The following NTRK2 variants were observed in gnomAD, a reference collection of about 807,000 sequenced individuals.
NTRK2 encodes neurotrophic receptor tyrosine kinase 2.
A neutral mutation model predicts 94.5 loss-of-function variants in NTRK2; 13 were observed. The observed-to-expected ratio is 0.14, with a 90% CI of 0.09 to 0.22. The LOEUF (loss-of-function observed/expected upper bound fraction) is 0.22, where lower values mean the gene tolerates loss of function less well. Among genes scored for constraint, NTRK2 ranks in the 10% least tolerant of loss-of-function variants. The pLI is 1.00. For synonymous variants in NTRK2, 372 were observed against 407.4 expected, an observed-to-expected ratio of 0.91 and a Z score of 1.05; for missense variants, 639 against 1,071.2, an observed-to-expected ratio of 0.60 and a Z score of 5.63.
Position 84,855,697 on chromosome 9 carries a change from G to A in NTRK2, c.1397-5343G>A, listed in dbSNP as rs143846104. The stretch of plus-strand genomic sequence containing the variant: ...ATATTTTTGTTTATGGATAAGAATT[G>A]AAGGAAAGATAGCTCAGCATCATTG... On this transcript the variant is annotated intron_variant, in intron 12 of 18. Transcript: ENST00000277120. Among the ~76,000 whole-genome samples the A allele has an allele frequency of 2.6e-3, 397 of 151,738 alleles. 3 individuals carry two copies. Among genetic ancestry groups the A allele is most frequent in the Admixed American group, 4.3e-3 (65 of 15,234 alleles).
At chr9:84,739,105 C>T (rs987271695) in intron 9 of NTRK2, among the ~76,000 whole-genome samples, 1 of 151,964 alleles carries the variant, frequency 6.6e-6, no homozygotes, top group Non-Finnish European at 1.5e-5. Context: ...GGCTGGAGTG[C>T]AGTGGTGTGA....
chr9:84,851,267 A>C (rs1013961045), intron 12 of NTRK2, among the ~76,000 whole-genome samples: 10 of 152,302 alleles, frequency 6.6e-5, no homozygotes, highest in African/African-American at 2.4e-4. Context: ...GACCCTAAAG[A>C]GCACATTGGG....
intron 14 of NTRK2, among the ~76,000 whole-genome samples, chr9:84,912,763 G>A (rs568881989): frequency 5.3e-5 from 8 of 151,564 alleles, no homozygotes; most frequent in South Asian, 2.1e-4. Flanking sequence ...GACTACAGGC[G>A]CCCACCACCA....
At chr9:84,676,732 C>G (rs2059081533) in intron 2 of NTRK2, among the ~76,000 whole-genome samples, 1 of 152,126 alleles carries the variant, frequency 6.6e-6, no homozygotes, top group South Asian at 2.1e-4. Context: ...TCTGGCTCAT[C>G]ATTTTATTAG....
rs1443694362 is a variant in NTRK2, at chr9:84,856,520, T to A, written c.1397-4520T>A. ...CACTCCAATGAGCAGTCATTCTAGA[T>A]CTCAGATGTGACAGTTCATTGGCTA... On this transcript the variant is annotated intron_variant, in intron 12 of 18. Transcript: ENST00000277120. Among the ~76,000 whole-genome samples, 3 of 152,164 alleles carry A rather than the reference T, an allele frequency of 2.0e-5. 1 individual carries two copies. Among genetic ancestry groups the A allele is most frequent in the Non-Finnish European group, 4.4e-5 (3 of 68,038 alleles).
At chr9:84,840,164 C>T (rs556398283) in intron 12 of NTRK2, among the ~76,000 whole-genome samples, 3 of 152,006 alleles carry the variant, frequency 2.0e-5, no homozygotes, top group Admixed American at 1.3e-4. Flanking sequence ...CTCTGCCTGG[C>T]GTCAGTCATG....
chr9:84,954,550 G>C (rs1823867593), intron 16 of NTRK2, among the ~76,000 whole-genome samples: 1 of 152,230 alleles, frequency 6.6e-6, no homozygotes, highest in Non-Finnish European at 1.5e-5. Flanking sequence ...TCTCCTATGT[G>C]TTGGCCATAG....
rs1832777116 is a variant in NTRK2, at chr9:85,021,495, G to A, written c.*58G>A. On this transcript the variant is annotated 3_prime_UTR_variant, in exon 19 of 19. Transcript: ENST00000277120. ...TACTCCTCAGACGGGCTGAGAGGAT[G>A]AACATCTTTTAACTGCCGCTGGAGG... 1 of 1,574,042 alleles carries A rather than the reference G, an allele frequency of 6.4e-7. No homozygotes were observed. The highest frequency in any genetic ancestry group is 1.1e-5 in the South Asian group (1 of 89,984).
chr9:84,793,773 T>C (rs2068975244), intron 12 of NTRK2, among the ~76,000 whole-genome samples: 2 of 152,176 alleles, frequency 1.3e-5, no homozygotes, highest in South Asian at 2.1e-4. Context: ...GAAATGACTA[T>C]AAGACAGGGG....
intron 17 of NTRK2, among the ~76,000 whole-genome samples, chr9:85,007,467 A>G (rs1831097840): frequency 6.6e-6 from 1 of 152,198 alleles, no homozygotes; most frequent in East Asian, 1.9e-4. Context: ...GTCACTGAAG[A>G]GTTTGCTATT....
At chr9:84,818,769 C>A (rs909653191) in intron 12 of NTRK2, among the ~76,000 whole-genome samples, 1 of 152,132 alleles carries the variant, frequency 6.6e-6, no homozygotes, top group African/African-American at 2.4e-5. Flanking sequence ...TTGAGGGAAA[C>A]CTTGCGAGTG....
chr9:84,843,386 C>G (rs2074292588), intron 12 of NTRK2, among the ~76,000 whole-genome samples: 1 of 152,166 alleles, frequency 6.6e-6, no homozygotes, highest in Non-Finnish European at 1.5e-5. Context: ...AGCTGCAGGC[C>G]TTTCTCACCT....
chr9:84,883,788 G>T (rs1303933576), intron 14 of NTRK2, among the ~76,000 whole-genome samples: 1 of 152,166 alleles, frequency 6.6e-6, no homozygotes, highest in African/African-American at 2.4e-5. Context: ...CCCAAAGTGG[G>T]TGAGATTAGG....
In NTRK2 at chr9:84,805,152, A is replaced by G. The variant is rs1041645227; in HGVS notation, c.1396+53067A>G. Among the ~76,000 whole-genome samples the G allele has an allele frequency of 8.5e-5, 13 of 152,298 alleles. No individual in the cohort carries two copies. The East Asian group carries it at 2.5e-3, about 29-fold the overall frequency. On this transcript the variant is annotated intron_variant, in intron 12 of 18. Coordinates refer to ENST00000277120, the MANE Select transcript of NTRK2 (RefSeq NM_006180.6). ...TTCCCCTTAGAATTGTTGAGTTTTA[A>G]CTGTGCAATAACTTTGGCTTTCCTT...
chr9:85,009,374 C>T (rs1003517296), intron 17 of NTRK2, among the ~76,000 whole-genome samples: 1 of 152,308 alleles, frequency 6.6e-6, no homozygotes, highest in South Asian at 2.1e-4. Context: ...TATTGGGATG[C>T]TTTGGTGGAA....
At chr9:84,872,464 G>A (rs1027958681) in intron 14 of NTRK2, 1 of 1,071,858 alleles carries the variant, frequency 9.3e-7, no homozygotes, top group African/African-American at 1.6e-5. Context: ...AATTAGCTAG[G>A]GTCCTAGGGT....
rs200734764 is a variant in NTRK2 at position 84,877,434 on chromosome 9, G to A, written c.1633+10003G>A. The A allele has an allele frequency of 3.6e-5, 38 of 1,065,938 alleles. No homozygotes were observed. In the African/African-American group the frequency reaches 5.6e-4, roughly 16 times the overall value. 66.0% of individuals were successfully genotyped at this position (1,065,938 alleles called of 1,614,324 possible). Reference sequence around the variant, plus strand: ...GAGGGGACTTTGAGTGGGTGGGTATGGATAGATGTTCCTCAAGGAAACCCT... The same window carrying A: ...GAGGGGACTTTGAGTGGGTGGGTATAGATAGATGTTCCTCAAGGAAACCCT... On this transcript the variant is annotated intron_variant, in intron 14 of 18. Coordinates refer to ENST00000277120, the MANE Select transcript of NTRK2 (RefSeq NM_006180.6).
chr9:84,763,100 C>T (rs76414123), intron 12 of NTRK2, among the ~76,000 whole-genome samples: 2,810 of 152,218 alleles, frequency 0.018, 82 homozygotes, highest in African/African-American at 0.064. Flanking sequence ...CTGAGACTGG[C>T]CCCCACTGTC....
chr9:84,794,940 A>G (rs2069130147), intron 12 of NTRK2, among the ~76,000 whole-genome samples: 1 of 152,182 alleles, frequency 6.6e-6, no homozygotes, highest in South Asian at 2.1e-4. Flanking sequence ...GTGACTGGGA[A>G]AAATACTGAA....
Sources: gnomAD v4.1 joint callset for allele counts (sites outside exome capture counted in the v4.1 genomes callset) on GRCh38, gnomAD v4.1.1 for gene constraint, MANE v1.5 for transcripts, NCBI Gene and HGNC (gene_info 2026-07-23, HGNC 2026-07-21) for gene names.